VPS13B: variants seen among roughly 807,000 people sequenced by gnomAD.
The protein encoded by VPS13B is intermembrane lipid transfer protein VPS13B.
Under a neutral mutation model 426.4 loss-of-function variants are expected in VPS13B, and 285 were observed. The observed-to-expected ratio is 0.67, with a 90% CI of 0.61 to 0.74. The LOEUF is 0.74. Ranked by LOEUF, VPS13B falls within the 30% of genes least tolerant of loss-of-function variation. VPS13B has a pLI of 0.00. For synonymous variants in VPS13B, 1,676 were observed against 1,676.4 expected, an observed-to-expected ratio of 1.00 and a Z score of 0.01; for missense variants, 4,537 against 4,782.6, an observed-to-expected ratio of 0.95 and a Z score of 1.51.
rs1434798123 is a variant in VPS13B, at chr8:99,835,439, T to C, written c.9743-100T>C. On this transcript the variant is annotated intron_variant, in intron 53 of 61. Coordinates refer to ENST00000357162, the MANE Select transcript of VPS13B (RefSeq NM_152564.5). The stretch of plus-strand genomic sequence containing the variant: ...AAAAATATTTAAATAAAAGCATTAA[T>C]GATCTCTTTTTGAGAAGTTTCTTTT... 2.7e-6 allele frequency: 4 copies of C among 1,502,456 alleles called. No homozygotes were observed. The African/African-American group carries it at 5.5e-5, about 21-fold the overall frequency. 93.1% of individuals were successfully genotyped at this position (1,502,456 alleles called of 1,614,324 possible).
At chr8:99,733,700 T>C (rs967694717) in intron 39 of VPS13B, among the ~76,000 whole-genome samples, 1 of 152,194 alleles carries the variant, frequency 6.6e-6, no homozygotes, top group African/African-American at 2.4e-5. Flanking sequence ...AATTTATTTT[T>C]GTCAAGCACA....
chr8:99,474,183 A>ATTTTTTTTTTTT lies in VPS13B; in HGVS notation c.3666+6558_3666+6569dup, dbSNP rs34752686. Among the ~76,000 whole-genome samples, 530 of 124,904 alleles carry ATTTTTTTTTTTT rather than the reference A, an allele frequency of 4.2e-3. 38 individuals are homozygous for ATTTTTTTTTTTT. Among genetic ancestry groups the ATTTTTTTTTTTT allele is most frequent in the African/African-American group, 0.016 (506 of 30,692 alleles). The allele number at this position is 124,904 out of a possible 152,430, so 81.9% of individuals were successfully genotyped here. ...TCTTCAAACAATGGACTGTTATCCA[A>ATTTTTTTTTTTT]TTTTTTTTTTTTTTTTTTTTGTGGA... On this transcript the variant is annotated intron_variant, in intron 24 of 61. Transcript: ENST00000357162.
chr8:99,279,589 CTCT>C (rs1276153390), intron 19 of VPS13B, among the ~76,000 whole-genome samples: 1 of 152,082 alleles, frequency 6.6e-6, no homozygotes, highest in African/African-American at 2.4e-5. Context: ...TAGACTTTGG[CTCT>C]TCTTATGCTA....
chr8:99,356,187 G>A (rs1018166409), intron 19 of VPS13B, among the ~76,000 whole-genome samples: 1 of 152,108 alleles, frequency 6.6e-6, no homozygotes, highest in Non-Finnish European at 1.5e-5. Context: ...TTGTAATTTA[G>A]ACTGTCACTA....
chr8:99,294,973 T>C (rs1477551062), intron 19 of VPS13B, among the ~76,000 whole-genome samples: 1 of 152,204 alleles, frequency 6.6e-6, no homozygotes, highest in African/African-American at 2.4e-5. Context: ...GACTAGTTTC[T>C]CCTTTTTAGT....
chr8:99,274,923 C>G (rs1031436800), intron 18 of VPS13B, among the ~76,000 whole-genome samples, 158 bp from the exon 19 acceptor site: 3 of 151,984 alleles, frequency 2.0e-5, no homozygotes, highest in Non-Finnish European at 4.4e-5. Flanking sequence ...GTTAAAAATG[C>G]TTTACATTTT....
At chr8:99,827,972 T>C (rs1198705773) in intron 51 of VPS13B, among the ~76,000 whole-genome samples, 1 of 152,168 alleles carries the variant, frequency 6.6e-6, no homozygotes, top group Non-Finnish European at 1.5e-5. Flanking sequence ...TTCTTTTGTA[T>C]TTGTTGAGTG....
intron 19 of VPS13B, among the ~76,000 whole-genome samples, chr8:99,351,194 T>A (rs115324255): frequency 3.5e-4 from 53 of 152,290 alleles, no homozygotes; most frequent in African/African-American, 1.3e-3. Context: ...TTTCTCTTAA[T>A]TATGTTTATT....
intron 35 of VPS13B, among the ~76,000 whole-genome samples, chr8:99,695,248 C>G (rs1474127958): frequency 6.7e-5 from 10 of 148,806 alleles, no homozygotes; most frequent in African/African-American, 1.7e-4. Context: ...CACATGCACA[C>G]GTATGTTTAT....
intron 14 of VPS13B, among the ~76,000 whole-genome samples, chr8:99,151,215 TAA>T (rs960491252): frequency 6.6e-6 from 1 of 152,238 alleles, no homozygotes; most frequent in African/African-American, 2.4e-5. Context: ...GCCCATTTTT[TAA>T]GAGTTGTTTG....
chr8:99,213,799 G>T (rs1000003105), intron 17 of VPS13B, among the ~76,000 whole-genome samples: 3 of 148,378 alleles, frequency 2.0e-5, no homozygotes, highest in Non-Finnish European at 4.4e-5. Flanking sequence ...ATCTTGAACT[G>T]CCATTTCAGT....
At chr8:99,256,176 T>C (rs1817734301) in intron 17 of VPS13B, among the ~76,000 whole-genome samples, 1 of 152,144 alleles carries the variant, frequency 6.6e-6, no homozygotes, top group Admixed American at 6.5e-5. Context: ...TTCTAGGATA[T>C]ATGAGCAAAA....
chr8:99,687,320 C>T (rs150049541), intron 35 of VPS13B, among the ~76,000 whole-genome samples: 9 of 152,164 alleles, frequency 5.9e-5, no homozygotes, highest in African/African-American at 1.7e-4. Flanking sequence ...GTGGCACAAG[C>T]ACTCCCTTAG....
chr8:99,358,033 C>T (rs895985969), intron 19 of VPS13B, among the ~76,000 whole-genome samples: 1 of 151,438 alleles, frequency 6.6e-6, no homozygotes, highest in African/African-American at 2.4e-5. Context: ...CACACACACA[C>T]ACCACACACA....
intron 8 of VPS13B, among the ~76,000 whole-genome samples, chr8:99,123,549 T>G (rs1408086170): frequency 6.6e-6 from 1 of 152,138 alleles, no homozygotes; most frequent in Admixed American, 6.6e-5. Flanking sequence ...CTGGGTTATA[T>G]TTTAATCTGG....
intron 25 of VPS13B, among the ~76,000 whole-genome samples, chr8:99,494,337 A>G (rs1820780533): frequency 6.6e-6 from 1 of 152,140 alleles, no homozygotes; most frequent in African/African-American, 2.4e-5. Flanking sequence ...ATGTATGAAC[A>G]CTGGATGTCT....
intron 19 of VPS13B, among the ~76,000 whole-genome samples, chr8:99,300,408 G>T (rs996474013): frequency 4.7e-4 from 71 of 152,246 alleles, no homozygotes; most frequent in African/African-American, 1.6e-3. Context: ...TAAAGCATTG[G>T]TTGTAAATAC....
chr8:99,238,715 C>T (rs1034610125), intron 17 of VPS13B, among the ~76,000 whole-genome samples: 9 of 152,012 alleles, frequency 5.9e-5, no homozygotes, highest in African/African-American at 2.2e-4. Flanking sequence ...AAAACTGTGT[C>T]TTGAAAAATA....
chr8:99,135,476 A>G (rs1767767627), intron 10 of VPS13B, 120 bp from the exon 11 acceptor site: 5 of 1,326,364 alleles, frequency 3.8e-6, no homozygotes, highest in Non-Finnish European at 4.2e-6. Flanking sequence ...AGCATTCCTT[A>G]TCTTTCTGTT....
Sources: allele counts gnomAD v4.1 joint callset (sites outside exome capture counted in the v4.1 genomes callset), GRCh38; gene constraint gnomAD v4.1.1; transcripts MANE v1.5; gene names NCBI Gene and HGNC (gene_info 2026-07-23, HGNC 2026-07-21).